Variants in TMEM178B observed in about 807,000 individuals in gnomAD.
The protein encoded by TMEM178B is transmembrane protein 178B.
A neutral mutation model predicts 31.0 loss-of-function variants in TMEM178B; 5 were observed. That is an observed-to-expected ratio of 0.16 (90% CI 0.08 to 0.34). The LOEUF (loss-of-function observed/expected upper bound fraction) is 0.34, where lower values mean the gene tolerates loss of function less well. TMEM178B is among the 10% of genes least tolerant of loss of function. The pLI is 1.00. For missense variants in TMEM178B, 275 were observed against 400.3 expected (o/e 0.69, Z 2.67); for synonymous variants, 164 against 164.0 (o/e 1.00, Z 0.00).
chr7:141,230,622 T>C (rs575021364), intron 2 of TMEM178B, among the ~76,000 whole-genome samples: 1 of 152,252 alleles, frequency 6.6e-6, no homozygotes, highest in East Asian at 1.9e-4. Flanking sequence ...TTAATCTTTT[T>C]CCACTCTTTA....
At chr7:141,232,020 C>T (rs548639731) in intron 2 of TMEM178B, among the ~76,000 whole-genome samples, 35 of 152,266 alleles carry the variant, frequency 2.3e-4, no homozygotes, top group African/African-American at 8.2e-4. Context: ...TCCATGTGTT[C>T]TCATCGTTCA....
At chr7:141,463,256 T>C (rs1802089973) in intron 3 of TMEM178B, among the ~76,000 whole-genome samples, 1 of 152,046 alleles carries the variant, frequency 6.6e-6, no homozygotes, top group South Asian at 2.1e-4. Flanking sequence ...CTGGGTTGAG[T>C]AGGAGTCTGA....
At chr7:141,494,274 CACAATG>C in the TMEM178B span, among the ~76,000 whole-genome samples, 1 of 152,114 alleles carries the variant, frequency 6.6e-6, no homozygotes, top group Non-Finnish European at 1.5e-5. Flanking sequence ...ATTCGGTGGA[CACAATG>C]ACTTTATAAC....
At chr7:141,345,758 G>C (rs1374285621) in intron 2 of TMEM178B, among the ~76,000 whole-genome samples, 1 of 152,152 alleles carries the variant, frequency 6.6e-6, no homozygotes, top group Non-Finnish European at 1.5e-5. Flanking sequence ...ACTAAAAAAT[G>C]CTTACTGATT....
chr7:141,295,199 A>G (rs1586876377), intron 2 of TMEM178B, among the ~76,000 whole-genome samples: 1 of 152,192 alleles, frequency 6.6e-6, no homozygotes, highest in Non-Finnish European at 1.5e-5. Context: ...CAGGTGAAGA[A>G]GGTATCCAGA....
chr7:141,109,413 G>A (rs536411174), intron 1 of TMEM178B, among the ~76,000 whole-genome samples: 219 of 152,260 alleles, frequency 1.4e-3, no homozygotes, highest in Admixed American at 5.7e-3. Context: ...AGTGTGACAC[G>A]TGAAATTGTG....
chr7:141,181,210 A>T (rs1796523036), intron 1 of TMEM178B, among the ~76,000 whole-genome samples: 1 of 152,248 alleles, frequency 6.6e-6, no homozygotes, highest in Non-Finnish European at 1.5e-5. Context: ...CATTACAATG[A>T]TGTGTTCATA....
At position 141,212,676 on chromosome 7, in the gene TMEM178B, C is replaced by T; in HGVS notation, c.468C>T (p.Thr156=). 6.5e-7 allele frequency: 1 copy of T among 1,536,076 alleles called. No homozygotes were observed. Among genetic ancestry groups the T allele is most frequent in the Non-Finnish European group, 8.7e-7 (1 of 1,146,894 alleles). The part of the protein sequence containing the change: ...PRNLTFNITK[T]IRQDEWHALH... ...ACCTCACTTTCAATATCACGAAGAC[C>T]ATCCGTCAGGATGAGTGGCATGCCC... The change falls in exon 2 of 4, where the codon ACC becomes ACT. Residue 156 remains threonine, a synonymous_variant. Transcript: ENST00000565468.
chr7:141,280,766 C>T (rs150771582), intron 2 of TMEM178B, among the ~76,000 whole-genome samples: 2 of 152,054 alleles, frequency 1.3e-5, no homozygotes, highest in East Asian at 1.9e-4. Flanking sequence ...TCTGATTCCA[C>T]GGGTCTGGGG....
chr7:141,381,191 AC>A (rs960421922), intron 2 of TMEM178B, among the ~76,000 whole-genome samples: 1 of 152,014 alleles, frequency 6.6e-6, no homozygotes, highest in Admixed American at 6.6e-5. Flanking sequence ...GTGATGTGAA[AC>A]CCCCCACCTG....
chr7:141,182,276 G>A (rs753561964), intron 1 of TMEM178B, among the ~76,000 whole-genome samples: 3 of 152,166 alleles, frequency 2.0e-5, no homozygotes, highest in African/African-American at 4.8e-5. Flanking sequence ...GTTGTGTGCA[G>A]CCAGGAAACT....
At chr7:141,219,941 C>G (rs1165152008) in intron 2 of TMEM178B, among the ~76,000 whole-genome samples, 1 of 152,036 alleles carries the variant, frequency 6.6e-6, no homozygotes, top group African/African-American at 2.4e-5. Flanking sequence ...GATTACCTTC[C>G]CTGGATAGCA....
At chr7:141,175,427 A>G (rs1398209071) in intron 1 of TMEM178B, among the ~76,000 whole-genome samples, 2 of 152,012 alleles carry the variant, frequency 1.3e-5, no homozygotes, top group Non-Finnish European at 2.9e-5. Flanking sequence ...TCTGCTTAGG[A>G]TTGTCTTGGC....
chr7:141,337,352 C>T (rs1350801344), intron 2 of TMEM178B, among the ~76,000 whole-genome samples: 1 of 149,636 alleles, frequency 6.7e-6, no homozygotes. Flanking sequence ...ACCACTACCC[C>T]ACTACCACCC....
intron 2 of TMEM178B, among the ~76,000 whole-genome samples, chr7:141,253,360 G>A (rs1184333522): frequency 1.3e-5 from 2 of 152,072 alleles, no homozygotes; most frequent in Non-Finnish European, 2.9e-5. Flanking sequence ...TTTCTCCGGG[G>A]TGTTTGGATC....
chr7:141,437,820 AG>A (rs1801576597), intron 3 of TMEM178B, 75 bp downstream of exon 3: 2 of 1,520,438 alleles, frequency 1.3e-6, no homozygotes, highest in Non-Finnish European at 1.8e-6. Context: ...GAATGGCCAG[AG>A]GGCACAGCAG....
At chr7:141,160,568 T>C (rs1342632765) in intron 1 of TMEM178B, among the ~76,000 whole-genome samples, 1 of 152,176 alleles carries the variant, frequency 6.6e-6, no homozygotes, top group Non-Finnish European at 1.5e-5. Flanking sequence ...GACTGTGCCT[T>C]GGTGGCCAGA....
At chr7:141,212,163 TC>T (rs1477306756) in intron 1 of TMEM178B, among the ~76,000 whole-genome samples, 3 of 152,052 alleles carry the variant, frequency 2.0e-5, no homozygotes, top group Non-Finnish European at 4.4e-5. Flanking sequence ...CACCCACCAT[TC>T]CCCCAGCTCA....
At position 141,276,489 on chromosome 7, in the gene TMEM178B, A is replaced by G. The variant is rs576534771; in HGVS notation, c.496+63785A>G. On this transcript the variant is annotated intron_variant, in intron 2 of 3. Coordinates refer to ENST00000565468, the MANE Select transcript of TMEM178B (RefSeq NM_001195278.2). ...GGGAAGCAAACAAGTCCTTCTTCAC[A>G]TGGTGGCAGCAAGGAGAAGTACTGA... Among the ~76,000 whole-genome samples the G allele has an allele frequency of 1.1e-4, 17 of 152,264 alleles. 3 individuals are homozygous for G. The South Asian group carries it at 3.5e-3, about 32-fold the overall frequency.
Sources: allele counts gnomAD v4.1 joint callset (sites outside exome capture counted in the v4.1 genomes callset), GRCh38; gene constraint gnomAD v4.1.1; transcripts MANE v1.5; gene names NCBI Gene and HGNC (gene_info 2026-07-23, HGNC 2026-07-21).